Variants in XPO7 observed in about 807,000 individuals in gnomAD.
The protein encoded by XPO7 is exportin 7.
A neutral mutation model predicts 144.3 loss-of-function variants in XPO7; 21 were observed. The ratio of observed to expected loss-of-function variants is 0.15; its 90% confidence interval spans 0.10 to 0.21. The LOEUF (loss-of-function observed/expected upper bound fraction) is 0.21. Among genes scored for constraint, XPO7 ranks in the 10% least tolerant of loss-of-function variants. The pLI is 1.00. For missense variants in XPO7, 808 were observed against 1,325.8 expected (o/e 0.61, Z 6.06); for synonymous variants, 580 against 499.6 (o/e 1.16, Z -2.15).
chr8:21,947,808 A>G (rs541713071), intron 1 of XPO7, among the ~76,000 whole-genome samples: 3 of 152,364 alleles, frequency 2.0e-5, no homozygotes, highest in South Asian at 2.1e-4. Context: ...TTTATAACAC[A>G]TTCTGACAGA....
intron 1 of XPO7, among the ~76,000 whole-genome samples, chr8:21,953,968 C>G (rs1811454395): frequency 6.6e-6 from 1 of 152,098 alleles, no homozygotes; most frequent in Non-Finnish European, 1.5e-5. Flanking sequence ...TTTTCTTAAG[C>G]AAATTAGATT....
At chr8:21,952,922 G>A (rs1811418234) in intron 1 of XPO7, among the ~76,000 whole-genome samples, 2 of 152,148 alleles carry the variant, frequency 1.3e-5, no homozygotes, top group South Asian at 2.1e-4. Flanking sequence ...CAAATTAGAT[G>A]TTTTTACTAG....
chr8:21,933,325 C>T (rs980173114), intron 1 of XPO7, among the ~76,000 whole-genome samples: 6 of 152,176 alleles, frequency 3.9e-5, no homozygotes, highest in South Asian at 2.1e-4. Context: ...TGGTCTTGAT[C>T]TCCTGACCTC....
intron 8 of XPO7, 90 bp downstream of exon 8, chr8:21,977,933 T>C: frequency 8.6e-7 from 1 of 1,166,890 alleles, no homozygotes; most frequent in South Asian, 1.5e-5. Flanking sequence ...TTTTATAAAA[T>C]TATACAAGTA....
intron 1 of XPO7, among the ~76,000 whole-genome samples, chr8:21,945,353 CAG>C (rs761423183): frequency 4.6e-5 from 5 of 108,016 alleles, no homozygotes; most frequent in South Asian, 2.4e-4. Flanking sequence ...TGGTCATAGA[CAG>C]AGGGGGTAGA....
rs559639884 is a variant in XPO7, at chr8:21,995,063, T to A, written c.2238-429T>A. On this transcript the variant is annotated intron_variant, in intron 20 of 27. Transcript: ENST00000252512. ...AGCGAGACTCCATCTCAAAAAAAAA[T>A]AAATAATAATAATAATAATAATAAA... Among the ~76,000 whole-genome samples the A allele has an allele frequency of 2.7e-3, 369 of 135,788 alleles. 2 individuals carry two copies. The highest frequency in any genetic ancestry group is 2.0e-3 in the Non-Finnish European group (128 of 65,500). The allele number at this position is 135,788 out of a possible 152,430, so 89.1% of individuals were successfully genotyped here. A position where few individuals can be genotyped will look rare whatever the true frequency, so the allele number is the denominator to read the frequency against.
At chr8:21,956,431 G>T (rs572987194) in intron 1 of XPO7, among the ~76,000 whole-genome samples, 1 of 152,290 alleles carries the variant, frequency 6.6e-6, no homozygotes, top group African/African-American at 2.4e-5. Flanking sequence ...CTGGCATTGG[G>T]TGGACACTCC....
Position 21,990,896 on chromosome 8 carries a change from G to T in XPO7, c.2018G>T (p.Gly673Val). The change falls in exon 18 of 28, where the codon GGG becomes GTG. Residue 673 changes from glycine to valine, a missense_variant. Gly to Val is a moderately radical substitution (Grantham distance 109). Coordinates refer to ENST00000252512, the MANE Select transcript of XPO7 (RefSeq NM_015024.5). Reference protein sequence around the residue: ...RCRTTFYTALGRLLMVDLGED... With the variant: ...RCRTTFYTALVRLLMVDLGED... Reference sequence around the variant, plus strand: ...CGGACTACCTTCTACACAGCACTTGGGCGTCTCCTCATGGTGGATTTAGGT... The same window carrying T: ...CGGACTACCTTCTACACAGCACTTGTGCGTCTCCTCATGGTGGATTTAGGT... 1 of 1,613,824 alleles carries T rather than the reference G, an allele frequency of 6.2e-7. No homozygotes were observed. The highest frequency in any genetic ancestry group is 8.5e-7 in the Non-Finnish European group (1 of 1,179,844).
chr8:21,990,458 C>G (rs1585475020), intron 17 of XPO7, 51 bp downstream of exon 17: 1 of 1,593,062 alleles, frequency 6.3e-7, no homozygotes, highest in East Asian at 2.2e-5. Context: ...CACACATACA[C>G]TTTCTCGACA....
At chr8:21,923,139 A>G (rs1810345297) in intron 1 of XPO7, among the ~76,000 whole-genome samples, 1 of 152,244 alleles carries the variant, frequency 6.6e-6, no homozygotes, top group African/African-American at 2.4e-5. Flanking sequence ...AATGGAAAAA[A>G]CATAACTTTT....
intron 1 of XPO7, among the ~76,000 whole-genome samples, chr8:21,948,660 C>A (rs1275976010): frequency 6.6e-6 from 1 of 152,022 alleles, no homozygotes; most frequent in African/African-American, 2.4e-5. Context: ...TCATGTGGTT[C>A]AACCTGATAT....
intron 1 of XPO7, among the ~76,000 whole-genome samples, chr8:21,949,398 G>C (rs770264947): frequency 6.6e-6 from 1 of 152,180 alleles, no homozygotes; most frequent in Non-Finnish European, 1.5e-5. Context: ...CCTACATACT[G>C]ATAGCATGGC....
chr8:21,982,751 A>G lies in XPO7; in HGVS notation c.1216A>G (p.Thr406Ala). ...ATEPHMLETY[T>A]PEVTKAYITS... ...AGAGCCCCACATGCTGGAAACTTAC[A>G]CTCCTGAGGTCACCAAAGCCTACAT... Residue 406 changes from threonine (T) to alanine (A), a missense_variant, in exon 11 of 28, where the codon ACT becomes GCT. By Grantham distance (58) the Thr-to-Ala change is moderately conservative. Around this residue, in one of 5 missense-constraint regions of XPO7, gnomAD observed 416 missense variants for 612.5 expected, o/e 0.68. Coordinates refer to ENST00000252512, the MANE Select transcript of XPO7 (RefSeq NM_015024.5). 1 of 1,613,454 alleles carries G rather than the reference A, an allele frequency of 6.2e-7. No individual in the cohort carries two copies. Among genetic ancestry groups the G allele is most frequent in the Non-Finnish European group, 8.5e-7 (1 of 1,179,814 alleles).
chr8:21,976,679 G>T (rs1812234712), intron 7 of XPO7, among the ~76,000 whole-genome samples, 158 bp downstream of exon 7: 1 of 152,062 alleles, frequency 6.6e-6, no homozygotes, highest in South Asian at 2.1e-4. Context: ...TTAAAGACAG[G>T]GTCTCACTCT....
chr8:21,944,649 C>G (rs1215124582), intron 1 of XPO7, among the ~76,000 whole-genome samples: 2 of 151,926 alleles, frequency 1.3e-5, no homozygotes, highest in Non-Finnish European at 2.9e-5. Flanking sequence ...TTGGATGTTT[C>G]TCGGAGAGGG....
intron 1 of XPO7, among the ~76,000 whole-genome samples, chr8:21,937,487 C>G (rs888531453): frequency 6.6e-6 from 1 of 152,184 alleles, no homozygotes; most frequent in Admixed American, 6.5e-5. Flanking sequence ...CTGTGCTTGT[C>G]TAGTTTCCTA....
rs1167037727 is a variant in XPO7, at chr8:21,984,915, C to T, written c.1471+76C>T. The T allele has an allele frequency of 6.8e-6, 10 of 1,460,286 alleles. No individual in the cohort carries two copies. In the East Asian group the frequency reaches 1.6e-4, roughly 24 times the overall value. The allele number at this position is 1,460,286 out of a possible 1,614,324, so 90.5% of individuals were successfully genotyped here. On this transcript the variant is annotated intron_variant, in intron 12 of 27. Transcript: ENST00000252512. The stretch of plus-strand genomic sequence containing the variant: ...AGTACCCCTTCGCTCATTGCCACCT[C>T]TTTCCTACCTCCCTGCAAAAGGATT...
At chr8:21,929,189 A>T (rs945149474) in intron 1 of XPO7, among the ~76,000 whole-genome samples, 7 of 152,206 alleles carry the variant, frequency 4.6e-5, no homozygotes, top group African/African-American at 1.7e-4. Flanking sequence ...TTCCACTCTC[A>T]TGGAAATTTC....
chr8:21,932,039 A>G (rs1015397243), intron 1 of XPO7, among the ~76,000 whole-genome samples: 1 of 151,946 alleles, frequency 6.6e-6, no homozygotes, highest in Non-Finnish European at 1.5e-5. Context: ...ACGCCCAGGT[A>G]ATTCTTGTAT....
Sources: gnomAD v4.1 joint callset for allele counts (sites outside exome capture counted in the v4.1 genomes callset) on GRCh38, gnomAD v4.1.1 for gene constraint, gnomAD v4.1.1 regional missense constraint, MANE v1.5 for transcripts, NCBI Gene and HGNC (gene_info 2026-07-23, HGNC 2026-07-21) for gene names.